Variants in PRKAR1B observed in about 807,000 individuals in gnomAD.
The protein encoded by PRKAR1B is protein kinase cAMP-dependent type I regulatory subunit beta.
Under a neutral mutation model 46.5 loss-of-function variants are expected in PRKAR1B, and 22 were observed. The ratio of observed to expected loss-of-function variants is 0.47; its 90% CI spans 0.34 to 0.68. PRKAR1B has a LOEUF of 0.68. PRKAR1B is among the 30% of genes least tolerant of loss of function. The probability of loss-of-function intolerance (pLI) is 0.01; values close to 1 mark genes in which losing one functional copy is unlikely to be tolerated. For missense variants in PRKAR1B, 445 were observed against 535.6 expected (o/e 0.83, Z 1.67); for synonymous variants, 259 against 217.7 (o/e 1.19, Z -1.67).
At chr7:613,624 A>G (rs1465764829) in intron 4 of PRKAR1B, among the ~76,000 whole-genome samples, 1 of 152,202 alleles carries the variant, frequency 6.6e-6, no homozygotes, top group Non-Finnish European at 1.5e-5. Flanking sequence ...ATCGTTCCGC[A>G]CTGTGAATCT....
intron 6 of PRKAR1B, among the ~76,000 whole-genome samples, chr7:603,604 AC>A (rs1402121861): frequency 8.0e-6 from 1 of 125,050 alleles, no homozygotes; most frequent in African/African-American, 3.6e-5. Flanking sequence ...TGACTCCAGG[AC>A]CCAGAGTGGA....
chr7:691,681 T>A, intron 2 of PRKAR1B: 1 of 1,288,070 alleles, frequency 7.8e-7, no homozygotes, highest in Non-Finnish European at 1.0e-6. Context: ...CCCAGTGCTG[T>A]GACCTCACAC....
At chr7:717,794 T>C (rs1486296382) in intron 1 of PRKAR1B, among the ~76,000 whole-genome samples, 1 of 152,162 alleles carries the variant, frequency 6.6e-6, no homozygotes, top group Non-Finnish European at 1.5e-5. Flanking sequence ...GGCTCCTGGG[T>C]GTGGCAGGCA....
At chr7:574,975 G>T (rs1206748581) in intron 9 of PRKAR1B, among the ~76,000 whole-genome samples, 1 of 152,198 alleles carries the variant, frequency 6.6e-6, no homozygotes, top group Admixed American at 6.5e-5. Context: ...GAGAGCCACC[G>T]CCATTGCTCT....
At chr7:635,624 C>T (rs181990780) in intron 4 of PRKAR1B, among the ~76,000 whole-genome samples, 8 of 152,254 alleles carry the variant, frequency 5.3e-5, no homozygotes, top group African/African-American at 1.7e-4. Flanking sequence ...CCTCCCAGGC[C>T]CTCCCAGACT....
chr7:646,358 T>A (rs902350806), intron 4 of PRKAR1B, among the ~76,000 whole-genome samples: 30 of 152,264 alleles, frequency 2.0e-4, no homozygotes, highest in African/African-American at 6.5e-4. Flanking sequence ...TGCTACGTTT[T>A]AAGAGAACAA....
At chr7:678,981 A>G (rs1778502072) in intron 3 of PRKAR1B, among the ~76,000 whole-genome samples, 1 of 152,244 alleles carries the variant, frequency 6.6e-6, no homozygotes, top group Non-Finnish European at 1.5e-5. Context: ...CCAGCCAGTC[A>G]GGAGGCTGAG....
rs577096016 is a variant in PRKAR1B at position 622,710 on chromosome 7, T to A, written c.441-15258A>T. Among the ~76,000 whole-genome samples the A allele has an allele frequency of 4.6e-5, 7 of 152,222 alleles. No individual in the cohort carries two copies. The South Asian group carries it at 1.2e-3, about 27-fold the overall frequency. ...AGTAGGTCTGCAGAGAATGTGCATA[T>A]GTGTATTGACAAGGAGCAGACGGGA... is the stretch of plus-strand genomic sequence containing the variant. On this transcript the variant is annotated intron_variant, in intron 4 of 10. Coordinates refer to ENST00000537384, the MANE Select transcript of PRKAR1B (RefSeq NM_001164760.2).
Position 711,401 on chromosome 7 carries a change from G to C in PRKAR1B, c.105C>G (p.Ile35Met), listed in dbSNP as rs751808123. 3 of 1,614,134 alleles carry C rather than the reference G, an allele frequency of 1.9e-6. No individual in the cohort carries two copies. Among genetic ancestry groups the C allele is most frequent in the Non-Finnish European group, 2.5e-6 (3 of 1,180,038 alleles). ...HGIQQVLKDC[I>M]VHLCISKPER... The stretch of plus-strand genomic sequence containing the variant: ...CGGGCTTGGAGATGCAGAGGTGGAC[G>C]ATACAGTCTTTGAGGACCTGCTGGA... Residue 35 changes from isoleucine (I) to methionine (M), a missense_variant, in exon 2 of 11, where the codon ATC becomes ATG. Around this residue, in one of 5 missense-constraint regions of PRKAR1B, gnomAD observed 155 missense variants for 127.5 expected, o/e 1.22. Coordinates refer to ENST00000537384, the MANE Select transcript of PRKAR1B (RefSeq NM_001164760.2).
Position 572,523 on chromosome 7 carries a change from C to T in PRKAR1B, c.891+6733G>A, listed in dbSNP as rs34253542. 8.1e-3 allele frequency among the ~76,000 whole-genome samples: 1,227 copies of T among 152,276 alleles called. 5 individuals are homozygous for T. The highest frequency in any genetic ancestry group is 0.017 in the Middle Eastern group (5 of 294). On this transcript the variant is annotated intron_variant, in intron 9 of 10. Transcript: ENST00000537384. The stretch of plus-strand genomic sequence containing the variant: ...CTCAGCTCTGCAGTGGAGTTGCCCC[C>T]GAGGCCTGCAGGTATTCATGCCTCA...
intron 8 of PRKAR1B, among the ~76,000 whole-genome samples, chr7:582,333 G>C (rs1780234081): frequency 2.0e-5 from 3 of 152,266 alleles, no homozygotes; most frequent in African/African-American, 7.2e-5. Context: ...CAGGTTTCTG[G>C]TGTGGGGACA....
intron 7 of PRKAR1B, among the ~76,000 whole-genome samples, chr7:589,088 A>C (rs1391995566): frequency 6.6e-6 from 1 of 150,856 alleles, no homozygotes; most frequent in African/African-American, 2.5e-5. Flanking sequence ...TACCGGGTAC[A>C]CAAAAGTGTG....
intron 1 of PRKAR1B, among the ~76,000 whole-genome samples, chr7:717,644 T>A (rs967213254): frequency 6.6e-6 from 1 of 152,058 alleles, no homozygotes; most frequent in African/African-American, 2.4e-5. Context: ...GGCAACAGAG[T>A]GAGACCTTGC....
At chr7:583,830 A>C (rs902945970) in intron 8 of PRKAR1B, among the ~76,000 whole-genome samples, 3 of 149,480 alleles carry the variant, frequency 2.0e-5, no homozygotes, top group African/African-American at 2.5e-5. Context: ...ACGCACACAC[A>C]CCCCCATGTG....
chr7:636,548 G>T (rs1319407955), intron 4 of PRKAR1B, among the ~76,000 whole-genome samples: 1 of 152,184 alleles, frequency 6.6e-6, no homozygotes, highest in Non-Finnish European at 1.5e-5. Context: ...GGCTGGTCCT[G>T]GGGCCCCTCC....
intron 8 of PRKAR1B, among the ~76,000 whole-genome samples, chr7:584,296 G>A (rs916448605): frequency 8.5e-5 from 13 of 152,262 alleles, no homozygotes; most frequent in African/African-American, 2.7e-4. Context: ...CCACGAGAGA[G>A]GAGGCAGGCT....
chr7:599,607 A>C (rs1029649401), intron 6 of PRKAR1B, among the ~76,000 whole-genome samples: 1 of 152,200 alleles, frequency 6.6e-6, no homozygotes, highest in African/African-American at 2.4e-5. Flanking sequence ...TTAAAAGAAA[A>C]AACAATGGGG....
At chr7:578,901 C>T (rs1303640891) in intron 9 of PRKAR1B, 19 of 588,092 alleles carry the variant, frequency 3.2e-5, no homozygotes, top group Middle Eastern at 7.0e-4. Context: ...AGGCTGGTCT[C>T]GAACTCCTGA....
Position 596,580 on chromosome 7 carries a change from C to G in PRKAR1B, c.550-276G>C, listed in dbSNP as rs1444233359. Among the ~76,000 whole-genome samples, 3 of 152,240 alleles carry G rather than the reference C, an allele frequency of 2.0e-5. No homozygotes were observed. The East Asian group carries it at 5.8e-4, about 29-fold the overall frequency. On this transcript the variant is annotated intron_variant, in intron 6 of 10. Transcript: ENST00000537384. ...GCCGCCAGTGCCAATGAGACAACCACACCAGAGGCGGACGCACCCGGCCCC... is the reference window on the plus strand; with the variant it reads ...GCCGCCAGTGCCAATGAGACAACCAGACCAGAGGCGGACGCACCCGGCCCC...
Sources: gnomAD v4.1 joint callset for allele counts (sites outside exome capture counted in the v4.1 genomes callset) on GRCh38, gnomAD v4.1.1 for gene constraint, gnomAD v4.1.1 regional missense constraint, MANE v1.5 for transcripts, NCBI Gene and HGNC (gene_info 2026-07-23, HGNC 2026-07-21) for gene names.